ZNF875: variants seen among roughly 807,000 people sequenced by gnomAD.
ZNF875 encodes HKR1, GLI-Kruppel zinc finger family member.
Under a neutral mutation model 11.2 loss-of-function variants are expected in ZNF875, and 14 were observed. The observed-to-expected ratio is 1.26, with a 90% confidence interval of 0.83 to 1.96. The LOEUF (loss-of-function observed/expected upper bound fraction) is 1.96. Ranked by LOEUF, ZNF875 falls within the 30% of genes most tolerant of loss-of-function variation. The pLI is 0.00. For missense variants in ZNF875, 752 were observed against 760.4 expected (o/e 0.99, Z 0.13); for synonymous variants, 301 against 281.1 (o/e 1.07, Z -0.71).
At position 37,334,679 on chromosome 19, in the gene ZNF875, C is replaced by A. The variant is rs1363604012; in HGVS notation, c.-160C>A. On this transcript the variant is annotated 5_prime_UTR_variant, in exon 1 of 5. In the 5' UTR this introduces an upstream ATG that the reference lacks. Transcript: ENST00000392153. ...CGGTCGGTGGCCCAGGCGCGTTAAG[C>A]TGGTTGGGACCCGGGAAGGCCTCCC... 2 of 455,990 alleles carry A rather than the reference C, an allele frequency of 4.4e-6. No individual in the cohort carries two copies. Among genetic ancestry groups the A allele is most frequent in the African/African-American group, 4.0e-5 (2 of 50,082 alleles). The allele number at this position is 455,990 out of a possible 1,614,324, so 28.2% of individuals were successfully genotyped here.
In ZNF875 at chr19:37,363,740, A is replaced by G. The variant is rs2040382155; in HGVS notation, c.1888A>G (p.Asn630Asp). ...KCGRGFSRKS[N>D]LIRHQRTHSG ...TGGACGGGGCTTTAGTCGGAAGTCCAACCTTATCAGACATCAGAGGACACA... is the reference window on the plus strand; with the variant it reads ...TGGACGGGGCTTTAGTCGGAAGTCCGACCTTATCAGACATCAGAGGACACA... Residue 630 changes from asparagine to aspartate, a missense_variant, in exon 5 of 5, where the codon AAC (asparagine) becomes GAC (aspartate). Coordinates refer to ENST00000392153, the MANE Select transcript of ZNF875 (RefSeq NM_001353803.2). The G allele has an allele frequency of 6.2e-7, 1 of 1,614,070 alleles. No homozygotes were observed. The highest frequency in any genetic ancestry group is 8.5e-7 in the Non-Finnish European group (1 of 1,179,992).
At chr19:37,354,600 T>C (rs2038571009) in intron 4 of ZNF875, among the ~76,000 whole-genome samples, 1 of 151,994 alleles carries the variant, frequency 6.6e-6, no homozygotes, top group Non-Finnish European at 1.5e-5. Flanking sequence ...GTAGAATAAA[T>C]ATATATGGTG....
chr19:37,363,521 T>G lies in ZNF875; in HGVS notation c.1669T>G (p.Ser557Ala). 6.2e-7 allele frequency: 1 copy of G among 1,612,664 alleles called. No individual in the cohort carries two copies. Among genetic ancestry groups the G allele is most frequent in the Non-Finnish European group, 8.5e-7 (1 of 1,179,274 alleles). ...CCTGTTTAGGCACAAGAGGGCACAC[T>G]CAGGTGCCTTTGTGTGCAGGGAGTG... Reference protein sequence around the residue: ...PNLFRHKRAHSGAFVCRECGQ... With the variant: ...PNLFRHKRAHAGAFVCRECGQ... The change falls in exon 5 of 5, where the codon TCA becomes GCA. Residue 557 changes from serine (S) to alanine (A), a missense_variant. Coordinates refer to ENST00000392153, the MANE Select transcript of ZNF875 (RefSeq NM_001353803.2).
In ZNF875 at chr19:37,334,689, C is replaced by T. The variant is rs768933671; in HGVS notation, c.-150C>T. ...CCCAGGCGCGTTAAGCTGGTTGGGA[C>T]CCGGGAAGGCCTCCCTCTTAAGGTC... On this transcript the variant is annotated 5_prime_UTR_variant, in exon 1 of 5. Coordinates refer to ENST00000392153, the MANE Select transcript of ZNF875 (RefSeq NM_001353803.2). 1 of 456,050 alleles carries T rather than the reference C, an allele frequency of 2.2e-6. No homozygotes were observed. The highest frequency in any genetic ancestry group is 1.5e-5 in the South Asian group (1 of 64,560). 28.3% of individuals were successfully genotyped at this position (456,050 alleles called of 1,614,324 possible). A position where few individuals can be genotyped will look rare whatever the true frequency, so the allele number is the denominator to read the frequency against.
chr19:37,320,236 C>T lies in ZNF875; in HGVS notation c.-746-1949C>T, dbSNP rs937231990. ...AAGTTTAGGGCCCATGAGAAGGGCC[C>T]ATGAATGAAATTTTCACATACCTCT... is the stretch of plus-strand genomic sequence containing the variant. On this transcript the variant is annotated intron_variant, in intron 1 of 5. Transcript: ENST00000544914. Among the ~76,000 whole-genome samples, 4 of 152,308 alleles carry T rather than the reference C, an allele frequency of 2.6e-5. No individual in the cohort carries two copies. In the East Asian group the frequency reaches 7.7e-4, roughly 29 times the overall value.
At chr19:37,335,052 C>T in intron 1 of ZNF875, 117 bp from the exon 2 acceptor site, 2 of 584,642 alleles carry the variant, frequency 3.4e-6, no homozygotes, top group Non-Finnish European at 6.2e-6. Flanking sequence ...ATTGGCTGCT[C>T]TGGTGATTTC....
chr19:37,334,195 AG>A (rs1414499074), upstream of ZNF875, among the ~76,000 whole-genome samples: 7 of 152,132 alleles, frequency 4.6e-5, no homozygotes, highest in Non-Finnish European at 1.0e-4. Flanking sequence ...TAGGGGACAA[AG>A]GGCCGGTGTC....
intron 2 of ZNF875, among the ~76,000 whole-genome samples, chr19:37,338,965 A>G (rs1332108613): frequency 6.6e-6 from 1 of 152,176 alleles, no homozygotes; most frequent in Admixed American, 6.5e-5. Context: ...TTTGTGTTAA[A>G]TTTGTAACAA....
upstream of ZNF875, among the ~76,000 whole-genome samples, chr19:37,314,548 G>A (rs1310441431): frequency 1.3e-5 from 2 of 152,122 alleles, no homozygotes; most frequent in African/African-American, 2.4e-5. Context: ...TCTTGGACTG[G>A]GTATGGTGGC....
chr19:37,324,034 T>C (rs367844178), intron 3 of ZNF875, among the ~76,000 whole-genome samples: 9 of 152,156 alleles, frequency 5.9e-5, no homozygotes, highest in African/African-American at 2.2e-4. Context: ...ATCCTAACAG[T>C]TTAAAATTGT....
intron 4 of ZNF875, among the ~76,000 whole-genome samples, chr19:37,325,344 T>C (rs2032244829): frequency 6.6e-6 from 1 of 152,256 alleles, no homozygotes; most frequent in South Asian, 2.1e-4. Context: ...TCTGCCTCCC[T>C]AGAGACCATT....
At chr19:37,325,790 C>G (rs1301971413) in intron 4 of ZNF875, among the ~76,000 whole-genome samples, 1 of 152,028 alleles carries the variant, frequency 6.6e-6, no homozygotes, top group Non-Finnish European at 1.5e-5. Flanking sequence ...TCACTGCAGC[C>G]TCGATATCTG....
intron 2 of ZNF875, among the ~76,000 whole-genome samples, chr19:37,340,509 T>C (rs2035475812): frequency 6.6e-6 from 1 of 152,172 alleles, no homozygotes; most frequent in Non-Finnish European, 1.5e-5. Context: ...AAACCTTTAG[T>C]GCCTCATTTC....
At chr19:37,323,785 TC>T (rs536104832) in intron 3 of ZNF875, among the ~76,000 whole-genome samples, 5 of 152,122 alleles carry the variant, frequency 3.3e-5, no homozygotes, top group African/African-American at 4.8e-5. Flanking sequence ...TCCCACTGTG[TC>T]CCCCAAAGGA....
At chr19:37,343,284 A>G (rs1446483095) in intron 2 of ZNF875, among the ~76,000 whole-genome samples, 1 of 151,588 alleles carries the variant, frequency 6.6e-6, no homozygotes, top group African/African-American at 2.4e-5. Context: ...CAGAGGTTGC[A>G]GTGAGCCGAG....
At chr19:37,345,387 T>C (rs945273789) in intron 2 of ZNF875, among the ~76,000 whole-genome samples, 4 of 152,102 alleles carry the variant, frequency 2.6e-5, no homozygotes, top group Non-Finnish European at 5.9e-5. Flanking sequence ...CCAGCCAGTG[T>C]AGAATAGTGG....
chr19:37,320,398 G>T (rs1276404848), intron 1 of ZNF875, among the ~76,000 whole-genome samples: 1 of 152,216 alleles, frequency 6.6e-6, no homozygotes, highest in East Asian at 1.9e-4. Context: ...GGTTGTCACT[G>T]CTTCCCAATG....
At chr19:37,327,206 T>G (rs1251207711) in intron 4 of ZNF875, among the ~76,000 whole-genome samples, 5 of 151,792 alleles carry the variant, frequency 3.3e-5, no homozygotes, top group African/African-American at 1.2e-4. Context: ...TTGGCCAGGC[T>G]GGTTTTGAAC....
In ZNF875 at chr19:37,362,203, T is replaced by C; in HGVS notation, c.351T>C (p.Ser117=). 2 of 1,614,144 alleles carry C rather than the reference T, an allele frequency of 1.2e-6. No homozygotes were observed. The highest frequency in any genetic ancestry group is 1.7e-6 in the Non-Finnish European group (2 of 1,180,018). Residue 117 remains serine, a synonymous_variant, in exon 5 of 5, where the codon TCT becomes TCC. Coordinates refer to ENST00000392153, the MANE Select transcript of ZNF875 (RefSeq NM_001353803.2). ...LSQHVWLSHL[S]QLFSSLWAGN... Reference sequence around the variant, plus strand: ...AACATGTGTGGCTGAGTCATCTCTCTCAGCTGTTTTCAAGTTTATGGGCAG... The same window carrying C: ...AACATGTGTGGCTGAGTCATCTCTCCCAGCTGTTTTCAAGTTTATGGGCAG...
Sources: allele counts gnomAD v4.1 joint callset (sites outside exome capture counted in the v4.1 genomes callset), GRCh38; gene constraint gnomAD v4.1.1; transcripts MANE v1.5; gene names NCBI Gene and HGNC (gene_info 2026-07-23, HGNC 2026-07-21).